Variants in ERICH6 observed in about 807,000 individuals in gnomAD.
ERICH6 encodes glutamate rich 6.
Under a neutral mutation model 71.0 loss-of-function variants are expected in ERICH6, and 71 were observed. The ratio of observed to expected loss-of-function variants is 1.00; its 90% confidence interval spans 0.83 to 1.22. The LOEUF (loss-of-function observed/expected upper bound fraction) is 1.22. Among genes scored for constraint, ERICH6 ranks in the 50% most tolerant of loss-of-function variants. The pLI is 0.00. For synonymous variants in ERICH6, 262 were observed against 278.4 expected (o/e 0.94, Z 0.59); for missense variants, 808 against 797.2 (o/e 1.01, Z -0.16).
intron 2 of ERICH6, among the ~76,000 whole-genome samples, chr3:150,699,535 G>A (rs763052333): frequency 6.6e-6 from 1 of 151,982 alleles, no homozygotes; most frequent in Non-Finnish European, 1.5e-5. Flanking sequence ...TTCCTTTCTA[G>A]CTATTTATCA....
chr3:150,698,980 G>C, intron 2 of ERICH6, 98 bp from the exon 3 acceptor site: 1 of 732,064 alleles, frequency 1.4e-6, no homozygotes, highest in Admixed American at 2.4e-5. Flanking sequence ...AATGCACGTA[G>C]AAAATATTTT....
chr3:150,683,529 C>T (rs1000791597), intron 6 of ERICH6, among the ~76,000 whole-genome samples: 2 of 151,986 alleles, frequency 1.3e-5, no homozygotes, highest in Admixed American at 6.6e-5. Context: ...TTTGGGAGGC[C>T]GAGGCAGGCC....
At chr3:150,675,751 C>A (rs1330218599) in intron 10 of ERICH6, among the ~76,000 whole-genome samples, 2 of 151,668 alleles carry the variant, frequency 1.3e-5, no homozygotes, top group Non-Finnish European at 2.9e-5. Flanking sequence ...TGCCTTTGAG[C>A]CTCTATTGTT....
In ERICH6 at chr3:150,666,844, A is replaced by G; in HGVS notation, c.1671T>C (p.Ser557=). The G allele has an allele frequency of 6.2e-7, 1 of 1,614,206 alleles. No individual in the cohort carries two copies. Among genetic ancestry groups the G allele is most frequent in the Non-Finnish European group, 8.5e-7 (1 of 1,180,044 alleles). Residue 557 remains serine (S), a synonymous_variant, in exon 13 of 14, where the codon TCT becomes TCC. Coordinates refer to ENST00000295910, the MANE Select transcript of ERICH6 (RefSeq NM_152394.5). ...GTTGGCCCATTGCTAGAAAAGTTAT[A>G]GAAATCTTGTCTTGTTCTAAGATGC... ...GVRILEQDKI[S]ITFLAMGQQA...
chr3:150,703,260 G>A (rs1559924006), intron 1 of ERICH6, among the ~76,000 whole-genome samples: 1 of 151,842 alleles, frequency 6.6e-6, no homozygotes. Flanking sequence ...CCATGCCCAA[G>A]TTCAACTTTT....
chr3:150,667,900 G>C (rs560226756), intron 12 of ERICH6, among the ~76,000 whole-genome samples: 7 of 152,182 alleles, frequency 4.6e-5, no homozygotes, highest in African/African-American at 1.7e-4. Context: ...TAACTTAAAG[G>C]AAAAGACCTC....
chr3:150,703,016 T>C (rs1413912345), intron 1 of ERICH6, among the ~76,000 whole-genome samples: 2 of 115,706 alleles, frequency 1.7e-5, no homozygotes, highest in Non-Finnish European at 4.0e-5. Context: ...GAGAGAGAGA[T>C]GTCACGGTGT....
At chr3:150,685,531 T>C (rs953293699) in intron 6 of ERICH6, among the ~76,000 whole-genome samples, 1 of 152,150 alleles carries the variant, frequency 6.6e-6, no homozygotes, top group Non-Finnish European at 1.5e-5. Context: ...ACAGTAAGTT[T>C]CTGTTGTTTT....
chr3:150,677,258 A>T (rs1042888405), intron 10 of ERICH6, among the ~76,000 whole-genome samples: 1 of 152,080 alleles, frequency 6.6e-6, no homozygotes, highest in African/African-American at 2.4e-5. Flanking sequence ...CTTAAATTCT[A>T]TATCTCCCAA....
chr3:150,698,697 G>A, intron 3 of ERICH6, 94 bp downstream of exon 3: 1 of 1,012,412 alleles, frequency 9.9e-7, no homozygotes, highest in African/African-American at 1.6e-5. Flanking sequence ...TTGGGGCTGG[G>A]ATTCAAATCT....
chr3:150,702,736 C>T (rs1392087138), intron 1 of ERICH6, among the ~76,000 whole-genome samples: 1 of 151,732 alleles, frequency 6.6e-6, no homozygotes, highest in Non-Finnish European at 1.5e-5. Context: ...CTTGAGAAGC[C>T]TACTCTAGAA....
chr3:150,683,956 G>A lies in ERICH6; in HGVS notation c.784-1640C>T, dbSNP rs534930079. On this transcript the variant is annotated intron_variant, in intron 6 of 13. Transcript: ENST00000295910. ...CTCGTCCAAGTGCCAGTTCAGGGAC[G>A]TCTTGGGGGAGAAGCCGCAAGGCCT... is the stretch of plus-strand genomic sequence containing the variant. 6.6e-5 allele frequency among the ~76,000 whole-genome samples: 10 copies of A among 152,358 alleles called. No individual in the cohort carries two copies. In the East Asian group the frequency reaches 1.3e-3, roughly 21 times the overall value.
intron 1 of ERICH6, 140 bp downstream of exon 1, chr3:150,703,356 A>AT: frequency 3.5e-6 from 5 of 1,420,186 alleles, no homozygotes; most frequent in Non-Finnish European, 4.6e-6. Context: ...CGTGAGAGAG[A>AT]TTAGGTGTGT....
Position 150,702,160 on chromosome 3 carries a change from T to G in ERICH6, c.422A>C (p.Gln141Pro). The change falls in exon 2 of 14, where the codon CAG (glutamine) becomes CCG (proline). Residue 141 changes from glutamine to proline, a missense_variant. By Grantham distance (76) the Gln-to-Pro change is moderately conservative. This residue lies in a region of ERICH6 where 736 missense variants were observed against 712.2 expected (regional missense o/e 1.03). Coordinates refer to ENST00000295910, the MANE Select transcript of ERICH6 (RefSeq NM_152394.5). ...TTCAGACATGTCTTTCCTAAATGTC[T>G]GAAATATTTTAGGGAAACCTGTTGA... is the stretch of plus-strand genomic sequence containing the variant. ...SSHKSFPKIF[Q>P]TFRKDMSEMS... The G allele has an allele frequency of 6.3e-7, 1 of 1,582,160 alleles. No individual in the cohort carries two copies. The highest frequency in any genetic ancestry group is 1.8e-5 in the Admixed American group (1 of 56,482).
rs779084613 is a variant in ERICH6 at position 150,669,378 on chromosome 3, C to G, written c.1417G>C (p.Asp473His). 5 of 1,613,818 alleles carry G rather than the reference C, an allele frequency of 3.1e-6. No individual in the cohort carries two copies. The South Asian group carries it at 5.5e-5, about 18-fold the overall frequency. Reference protein sequence around the residue: ...VNGFTCIVQEDMPTNPAILAV... With the variant: ...VNGFTCIVQEHMPTNPAILAV... ...AGGATAGCAGGGTTAGTGGGCATATCTTCTTGGACTATACAAGTAAAACCA... is the reference window on the plus strand; with the variant it reads ...AGGATAGCAGGGTTAGTGGGCATATGTTCTTGGACTATACAAGTAAAACCA... Residue 473 changes from aspartate to histidine, a missense_variant, in exon 12 of 14, where the codon GAT becomes CAT. Around this residue, in one of 3 missense-constraint regions of ERICH6, gnomAD observed 736 missense variants for 712.2 expected, o/e 1.03. Transcript: ENST00000295910.
rs183424665 is a variant in ERICH6 at position 150,681,966 on chromosome 3, C to T, written c.882+252G>A. ...AGTAGCTGGGACTACAGGTGCACAC[C>T]GCCATGCCCGGCTAATTTTTTGTAT... On this transcript the variant is annotated intron_variant, in intron 7 of 13. Transcript: ENST00000295910. Among the ~76,000 whole-genome samples, 1,169 of 152,094 alleles carry T rather than the reference C, an allele frequency of 7.7e-3. 18 individuals carry two copies. Among genetic ancestry groups the T allele is most frequent in the African/African-American group, 0.026 (1,073 of 41,494 alleles).
At chr3:150,674,696 T>C (rs1022679421) in intron 10 of ERICH6, among the ~76,000 whole-genome samples, 1 of 152,210 alleles carries the variant, frequency 6.6e-6, no homozygotes, top group Admixed American at 6.5e-5. Flanking sequence ...CTGGAAAGAA[T>C]GATCAAAGAG....
chr3:150,670,722 A>AT (rs1711498869), intron 11 of ERICH6, among the ~76,000 whole-genome samples: 1 of 152,220 alleles, frequency 6.6e-6, no homozygotes, highest in Non-Finnish European at 1.5e-5. Context: ...ATACACTAAC[A>AT]GTAGACATTC....
chr3:150,685,150 C>T (rs551609740), intron 6 of ERICH6, among the ~76,000 whole-genome samples: 30 of 152,212 alleles, frequency 2.0e-4, no homozygotes, highest in East Asian at 3.9e-4. Flanking sequence ...CCAGGCTTTG[C>T]GGCCACTCTT....
Sources: gnomAD v4.1 joint callset for allele counts (sites outside exome capture counted in the v4.1 genomes callset) on GRCh38, gnomAD v4.1.1 for gene constraint, gnomAD v4.1.1 regional missense constraint, MANE v1.5 for transcripts, NCBI Gene and HGNC (gene_info 2026-07-23, HGNC 2026-07-21) for gene names.